The following ADGRL2 variants were observed in gnomAD, a reference collection of about 807,000 sequenced individuals.
ADGRL2 encodes adhesion G protein-coupled receptor L2.
ADGRL2 carries 44 observed loss-of-function variants against 157.4 expected under a neutral mutation model. The ratio of observed to expected loss-of-function variants is 0.28; its 90% CI spans 0.22 to 0.36. The LOEUF is 0.36. Among genes scored for constraint, ADGRL2 ranks in the 10% least tolerant of loss-of-function variants. The pLI is 1.00. For synonymous variants in ADGRL2, 585 were observed against 624.7 expected, an observed-to-expected ratio of 0.94 and a Z score of 0.95; for missense variants, 1,510 against 1,768.9, an observed-to-expected ratio of 0.85 and a Z score of 2.63.
intron 1 of ADGRL2, among the ~76,000 whole-genome samples, chr1:81,349,631 T>TACACACACACACACAC (rs36213279): frequency 1.2e-4 from 17 of 142,852 alleles, no homozygotes; most frequent in African/African-American, 3.9e-4. Flanking sequence ...TGTTGTGAGC[T>TACACACACACACACAC]ACACACACAC....
At chr1:81,934,997 A>G (rs931952840) in intron 3 of ADGRL2, among the ~76,000 whole-genome samples, 1 of 152,016 alleles carries the variant, frequency 6.6e-6, no homozygotes, top group South Asian at 2.1e-4. Context: ...TGTTGCTGCA[A>G]AAGTTTAAAA....
chr1:81,768,928 T>A (rs943286645), intron 2 of ADGRL2, among the ~76,000 whole-genome samples: 3 of 151,806 alleles, frequency 2.0e-5, no homozygotes, highest in Admixed American at 6.6e-5. Flanking sequence ...TAAAAAAAAA[T>A]ACAAAAATTA....
At chr1:81,335,736 G>A (rs1287326122) in intron 1 of ADGRL2, among the ~76,000 whole-genome samples, 2 of 151,746 alleles carry the variant, frequency 1.3e-5, no homozygotes, top group Non-Finnish European at 2.9e-5. Flanking sequence ...AGTTTTCACT[G>A]ATTTGGAGAT....
intron 2 of ADGRL2, among the ~76,000 whole-genome samples, chr1:81,559,689 T>G (rs1261648602): frequency 6.6e-6 from 1 of 152,162 alleles, no homozygotes; most frequent in African/African-American, 2.4e-5. Context: ...AAAAAAGTAT[T>G]GTAGAAAAGT....
At chr1:81,957,570 T>C (rs768465079) in intron 11 of ADGRL2, among the ~76,000 whole-genome samples, 22 of 151,840 alleles carry the variant, frequency 1.4e-4, no homozygotes, top group Non-Finnish European at 2.5e-4. Flanking sequence ...TAGCTGGACA[T>C]GGTGGCGCAT....
At chr1:81,380,406 A>G (rs1291137504) in intron 1 of ADGRL2, among the ~76,000 whole-genome samples, 3 of 152,208 alleles carry the variant, frequency 2.0e-5, no homozygotes, top group Non-Finnish European at 4.4e-5. Context: ...TTTTATGATT[A>G]CTTTTTAATC....
At chr1:81,990,300 G>A in intron 23 of ADGRL2, 91 bp from the exon 24 acceptor site, 1 of 1,523,928 alleles carries the variant, frequency 6.6e-7, no homozygotes, top group Non-Finnish European at 8.8e-7. Flanking sequence ...ACTTTGTCCT[G>A]AACGACATTA....
intron 2 of ADGRL2, chr1:81,505,168 T>G (rs984242268): frequency 8.0e-6 from 4 of 503,136 alleles, no homozygotes; most frequent in Non-Finnish European, 1.5e-5. Context: ...GCGTCTTCTC[T>G]CAGCCCTCCA....
At chr1:81,852,891 A>G (rs1173343927) in intron 2 of ADGRL2, among the ~76,000 whole-genome samples, 1 of 152,184 alleles carries the variant, frequency 6.6e-6, no homozygotes, top group Non-Finnish European at 1.5e-5. Flanking sequence ...GTGCTTAAGA[A>G]AAATCTTATT....
intron 3 of ADGRL2, among the ~76,000 whole-genome samples, chr1:81,676,621 G>A (rs2082996200): frequency 6.6e-6 from 1 of 151,486 alleles, no homozygotes; most frequent in Admixed American, 6.6e-5. Context: ...AGGTTTTAAG[G>A]GGGAAATTGC....
chr1:81,373,293 A>G (rs1321708708), intron 1 of ADGRL2, among the ~76,000 whole-genome samples: 1 of 152,206 alleles, frequency 6.6e-6, no homozygotes, highest in Non-Finnish European at 1.5e-5. Flanking sequence ...ATGTTAGCCT[A>G]TGAAAAACCC....
intron 1 of ADGRL2, among the ~76,000 whole-genome samples, chr1:81,317,170 A>G (rs1025461844): frequency 9.2e-5 from 14 of 152,120 alleles, no homozygotes; most frequent in Admixed American, 3.3e-4. Flanking sequence ...CAAACATTCT[A>G]GAATACATAA....
chr1:81,758,012 GA>G (rs1453202534), intron 1 of ADGRL2, among the ~76,000 whole-genome samples: 1 of 152,158 alleles, frequency 6.6e-6, no homozygotes, highest in African/African-American at 2.4e-5. Context: ...AATGTTACAT[GA>G]AAAATGCACA....
chr1:81,308,960 T>C (rs921830272), intron 1 of ADGRL2, among the ~76,000 whole-genome samples: 1 of 152,202 alleles, frequency 6.6e-6, no homozygotes. Flanking sequence ...GTAAACTTTA[T>C]GGCTATATAT....
intron 1 of ADGRL2, among the ~76,000 whole-genome samples, chr1:81,720,428 C>T (rs1187234944): frequency 1.3e-5 from 2 of 151,848 alleles, no homozygotes; most frequent in African/African-American, 2.4e-5. Flanking sequence ...GCCTCGGCCT[C>T]CCAAAGTGCT....
chr1:81,454,846 A>G (rs570041587), intron 2 of ADGRL2, among the ~76,000 whole-genome samples: 1 of 152,330 alleles, frequency 6.6e-6, no homozygotes, highest in African/African-American at 2.4e-5. Context: ...GCCGTCAAAG[A>G]TAAGTTCCCA....
At chr1:81,965,528 C>T (rs1349273014) in intron 11 of ADGRL2, among the ~76,000 whole-genome samples, 2 of 152,056 alleles carry the variant, frequency 1.3e-5, no homozygotes, top group Non-Finnish European at 2.9e-5. Context: ...AAAAGTATTA[C>T]TGCAAACTTG....
intron 1 of ADGRL2, among the ~76,000 whole-genome samples, chr1:81,808,168 A>C (rs1272222130): frequency 6.6e-6 from 1 of 152,064 alleles, no homozygotes; most frequent in Non-Finnish European, 1.5e-5. Flanking sequence ...ATGAAGTAAT[A>C]TAGTTTGTCT....
intron 3 of ADGRL2, among the ~76,000 whole-genome samples, chr1:81,595,379 T>A: frequency 6.6e-6 from 1 of 152,098 alleles, no homozygotes; most frequent in South Asian, 2.1e-4. Flanking sequence ...TTGTGAACAA[T>A]GTGCCTATTT....
Sources: gnomAD v4.1 joint callset for allele counts (sites outside exome capture counted in the v4.1 genomes callset) on GRCh38, gnomAD v4.1.1 for gene constraint, MANE v1.5 for transcripts, NCBI Gene and HGNC (gene_info 2026-07-23, HGNC 2026-07-21) for gene names.